Variants in DHRSX observed in about 807,000 individuals in gnomAD.
The protein encoded by DHRSX is dehydrogenase/reductase X-linked.
A neutral mutation model predicts 34.0 loss-of-function variants in DHRSX; 31 were observed. The ratio of observed to expected loss-of-function variants is 0.91; its 90% CI spans 0.69 to 1.23. The LOEUF is 1.23. DHRSX is among the 50% of genes most tolerant of loss of function. The pLI, the probability that DHRSX is intolerant of heterozygous loss-of-function variation, is 0.00. For missense variants in DHRSX, 414 were observed against 428.1 expected (o/e 0.97, Z 0.29); for synonymous variants, 201 against 183.8 (o/e 1.09, Z -0.76).
intron 3 of DHRSX, among the ~76,000 whole-genome samples, chrX:2,343,904 G>A (rs1053317146): frequency 9.2e-5 from 14 of 152,158 alleles, no homozygotes; most frequent in Admixed American, 2.6e-4. Flanking sequence ...GAGCCTGTGC[G>A]CCTGTAGCTC....
intron 3 of DHRSX, among the ~76,000 whole-genome samples, chrX:2,371,073 T>C (rs1264106540): frequency 6.6e-6 from 1 of 152,006 alleles, no homozygotes; most frequent in Non-Finnish European, 1.5e-5. Context: ...GTGGTTGCAT[T>C]AGTCCCTCCT....
intron 1 of DHRSX, among the ~76,000 whole-genome samples, chrX:2,428,878 C>T (rs1397745751): frequency 1.3e-5 from 2 of 152,070 alleles, no homozygotes; most frequent in African/African-American, 4.8e-5. Context: ...TGAGAACATA[C>T]AATCGCCAGG....
intron 3 of DHRSX, among the ~76,000 whole-genome samples, chrX:2,325,755 C>G (rs910918375): frequency 6.6e-6 from 1 of 152,172 alleles, no homozygotes; most frequent in African/African-American, 2.4e-5. Flanking sequence ...AATGAGACAC[C>G]GCCTCCTCAA....
chrX:2,371,549 G>GCCA (rs2043068736), intron 3 of DHRSX, among the ~76,000 whole-genome samples: 1 of 62,164 alleles, frequency 1.6e-5, no homozygotes, highest in Non-Finnish European at 4.6e-5. Context: ...CCGTCCTTCT[G>GCCA]TTACCATAGT....
intron 3 of DHRSX, among the ~76,000 whole-genome samples, chrX:2,348,449 T>C (rs1258391247): frequency 6.6e-6 from 1 of 152,130 alleles, no homozygotes; most frequent in Admixed American, 6.6e-5. Flanking sequence ...TGCGCTCCTA[T>C]TGTCTGGATG....
chrX:2,285,237 C>T (rs981394463), intron 4 of DHRSX, among the ~76,000 whole-genome samples: 4 of 152,064 alleles, frequency 2.6e-5, no homozygotes, highest in African/African-American at 4.8e-5. Flanking sequence ...TTCTACAAGT[C>T]GCCATCATAT....
At chrX:2,231,458 T>A (rs1192005568) in intron 6 of DHRSX, among the ~76,000 whole-genome samples, 7 of 150,394 alleles carry the variant, frequency 4.7e-5, no homozygotes. Flanking sequence ...TATTCCTCTT[T>A]CTCTTCCTCC....
intron 3 of DHRSX, among the ~76,000 whole-genome samples, chrX:2,392,170 T>C (rs2043342709): frequency 6.6e-6 from 1 of 152,018 alleles, no homozygotes; most frequent in Admixed American, 6.6e-5. Context: ...CCTGGGGAAA[T>C]GGAAATGGGT....
At chrX:2,298,696 G>A in intron 3 of DHRSX, among the ~76,000 whole-genome samples, 1 of 144,800 alleles carries the variant, frequency 6.9e-6, no homozygotes, top group Middle Eastern at 3.3e-3. Flanking sequence ...TTAAAGTTGG[G>A]AAAAACGGGC....
At chrX:2,256,327 G>A (rs2041278376) in intron 5 of DHRSX, among the ~76,000 whole-genome samples, 1 of 144,714 alleles carries the variant, frequency 6.9e-6, no homozygotes, top group Non-Finnish European at 1.5e-5. Context: ...GTCTTGCTCT[G>A]GAGTGCAAGC....
chrX:2,325,089 G>A (rs986199453), intron 3 of DHRSX, among the ~76,000 whole-genome samples: 1 of 151,842 alleles, frequency 6.6e-6, no homozygotes. Context: ...TCTCTTTAAC[G>A]AAAAGCAGCC....
rs149927592 is a variant in DHRSX, at chrX:2,432,803, G to C, written c.110-7499C>G. Among the ~76,000 whole-genome samples the C allele has an allele frequency of 4.5e-3, 681 of 152,268 alleles. 4 individuals are homozygous for C. The highest frequency in any genetic ancestry group is 0.015 in the African/African-American group (641 of 41,550). On this transcript the variant is annotated intron_variant, in intron 1 of 6. Coordinates refer to ENST00000334651, the MANE Select transcript of DHRSX (RefSeq NM_145177.3). ...AAACGAAAATTCAGAAAGATGGTTA[G>C]ATAGATTTCACTATTTAAAAAACTA...
At chrX:2,410,951 A>G (rs2043619463) in intron 2 of DHRSX, among the ~76,000 whole-genome samples, 2 of 152,192 alleles carry the variant, frequency 1.3e-5, no homozygotes, top group Non-Finnish European at 2.9e-5. Context: ...AGAACATGAT[A>G]CCATTATTAC....
chrX:2,449,721 A>G (rs944493118), intron 1 of DHRSX, among the ~76,000 whole-genome samples: 1 of 152,034 alleles, frequency 6.6e-6, no homozygotes, highest in Admixed American at 6.6e-5. Flanking sequence ...GGCTGTGGTC[A>G]CAGCTCACTG....
intron 1 of DHRSX, among the ~76,000 whole-genome samples, chrX:2,493,549 T>A (rs1017309654): frequency 4.0e-5 from 6 of 151,746 alleles, no homozygotes; most frequent in Admixed American, 3.3e-4. Context: ...TATTATTATT[T>A]TTATTATTAT....
intron 4 of DHRSX, among the ~76,000 whole-genome samples, chrX:2,268,977 A>G (rs2041512194): frequency 6.6e-6 from 1 of 152,272 alleles, no homozygotes; most frequent in Non-Finnish European, 1.5e-5. Flanking sequence ...ATCCATTTGC[A>G]TATGGACACG....
intron 3 of DHRSX, among the ~76,000 whole-genome samples, chrX:2,323,420 C>T (rs2042337184): frequency 6.6e-6 from 1 of 152,048 alleles, no homozygotes; most frequent in African/African-American, 2.4e-5. Context: ...AGTGAGATGC[C>T]TCAAGACAGG....
In DHRSX at chrX:2,220,754, G is replaced by T; in HGVS notation, c.*287C>A. 2.3e-6 allele frequency: 1 copy of T among 434,276 alleles called. No individual in the cohort carries two copies. Among genetic ancestry groups the T allele is most frequent in the Admixed American group, 3.6e-5 (1 of 27,406 alleles). The allele number at this position is 434,276 out of a possible 1,614,324, so 26.9% of individuals were successfully genotyped here. A position where few individuals can be genotyped will look rare whatever the true frequency, so the allele number is the denominator to read the frequency against. On this transcript the variant is annotated 3_prime_UTR_variant, in exon 7 of 7. Transcript: ENST00000334651. ...GTTGTATTAACGCGGCAAGGAAAAT[G>T]GCACATTTATGTTGGAAAATGTAAT... is the stretch of plus-strand genomic sequence containing the variant.
At chrX:2,233,656 C>T (rs1329572211) in intron 6 of DHRSX, among the ~76,000 whole-genome samples, 3 of 152,030 alleles carry the variant, frequency 2.0e-5, no homozygotes, top group African/African-American at 4.8e-5. Context: ...AATGCTCACC[C>T]GTATTTTGCC....
Sources: gnomAD v4.1 joint callset for allele counts (sites outside exome capture counted in the v4.1 genomes callset) on GRCh38, gnomAD v4.1.1 for gene constraint, MANE v1.5 for transcripts, NCBI Gene and HGNC (gene_info 2026-07-23, HGNC 2026-07-21) for gene names.